Variants in PSMG3 observed in about 807,000 individuals in gnomAD.
The protein encoded by PSMG3 is PAC-3.
In PSMG3, 4 loss-of-function variants were observed where a neutral mutation model predicts 7.9. The ratio of observed to expected loss-of-function variants is 0.51; its 90% CI spans 0.25 to 1.16. PSMG3 has a LOEUF of 1.16. Ranked by LOEUF, PSMG3 falls within the 50% of genes most tolerant of loss-of-function variation. The probability of loss-of-function intolerance (pLI) is 0.15; values close to 1 mark genes in which losing one functional copy is unlikely to be tolerated. For synonymous variants in PSMG3, 81 were observed against 69.8 expected (o/e 1.16, Z -0.80); for missense variants, 151 against 157.4 (o/e 0.96, Z 0.22).
In PSMG3 at chr7:1,569,388, A is replaced by G. The variant is rs772495474; in HGVS notation, c.-49T>C. 2.8e-6 allele frequency: 4 copies of G among 1,417,786 alleles called. No individual in the cohort carries two copies. Among genetic ancestry groups the G allele is most frequent in the East Asian group, 2.5e-5 (1 of 40,294 alleles). The allele number at this position is 1,417,786 out of a possible 1,614,324, so 87.8% of individuals were successfully genotyped here. A position where few individuals can be genotyped will look rare whatever the true frequency, so the allele number is the denominator to read the frequency against. On this transcript the variant is annotated 5_prime_UTR_variant, in exon 1 of 2. Transcript: ENST00000288607. ...TTAATTTAGGTTAAAAAGAAAGGGG[A>G]AAAAAAGGAGTCAATCAAACAGTAC... is the stretch of plus-strand genomic sequence containing the variant.
At chr7:1,568,382 C>T (rs1054833744) in intron 1 of PSMG3, among the ~76,000 whole-genome samples, 1 of 152,050 alleles carries the variant, frequency 6.6e-6, no homozygotes, top group Non-Finnish European at 1.5e-5. Flanking sequence ...CCAGATGCCC[C>T]ATGTCCTTAC....
chr7:1,568,453 T>TTTATTA lies in PSMG3; in HGVS notation c.217-609_217-604dup, dbSNP rs56016686. ...TCCCTGGGGGTCCCTTCCTGACCAC[T>TTTATTA]TTATTATTATTATTATTATTATTAT... On this transcript the variant is annotated intron_variant, in intron 1 of 1. Coordinates refer to ENST00000288607, the MANE Select transcript of PSMG3 (RefSeq NM_032302.4). 4.6e-3 allele frequency among the ~76,000 whole-genome samples: 686 copies of TTTATTA among 147,958 alleles called. 3 individuals are homozygous for TTTATTA. Among genetic ancestry groups the TTTATTA allele is most frequent in the African/African-American group, 0.012 (491 of 39,496 alleles).
intron 1 of PSMG3, 84 bp downstream of exon 1, chr7:1,569,039 TG>T: frequency 8.4e-7 from 1 of 1,192,976 alleles, no homozygotes; most frequent in Non-Finnish European, 1.2e-6. Context: ...TTCAAACTCC[TG>T]GCCTCAAGCG....
At chr7:1,567,970 C>T in intron 1 of PSMG3, 120 bp from the exon 2 acceptor site, 1 of 868,824 alleles carries the variant, frequency 1.2e-6, no homozygotes, top group Non-Finnish European at 1.8e-6. Flanking sequence ...TTAACCGCCA[C>T]ATAAGTCCAT....
Position 1,569,433 on chromosome 7 carries a change from A to G in PSMG3, c.-94T>C. On this transcript the variant is annotated 5_prime_UTR_variant, in exon 1 of 2. Coordinates refer to ENST00000288607, the MANE Select transcript of PSMG3 (RefSeq NM_032302.4). The stretch of plus-strand genomic sequence containing the variant: ...CAGTACAGCCTTGGGGCTCCCAAAA[A>G]AGTAGCACGGGGCATTGAAACGGAA... The G allele has an allele frequency of 9.5e-7, 1 of 1,049,054 alleles. No individual in the cohort carries two copies. The highest frequency in any genetic ancestry group is 2.6e-5 in the East Asian group (1 of 37,896). 65.0% of individuals were successfully genotyped at this position (1,049,054 alleles called of 1,614,324 possible).
At position 1,569,623 on chromosome 7, in the gene PSMG3, A is replaced by AC. The variant is rs1304986489; in HGVS notation, c.-285_-284insG. 123 of 297,204 alleles carry AC rather than the reference A, an allele frequency of 4.1e-4. No homozygotes were observed. Among genetic ancestry groups the AC allele is most frequent in the African/African-American group, 2.7e-3 (118 of 44,450 alleles). The allele number at this position is 297,204 out of a possible 1,614,324, so 18.4% of individuals were successfully genotyped here. On this transcript the variant is annotated 5_prime_UTR_variant, in exon 1 of 2. The change creates a premature stop within an existing upstream ORF in the 5' untranslated region. Coordinates refer to ENST00000288607, the MANE Select transcript of PSMG3 (RefSeq NM_032302.4). ...TCTCTACCAAAAAAAAAAAAAAAAA[A>AC]AACCAGCAGGGCGCGCCTGTGGTCC... is the stretch of plus-strand genomic sequence containing the variant.
rs879689317 is a variant in PSMG3 at position 1,567,480 on chromosome 7, C to G, written c.*218G>C. On this transcript the variant is annotated 3_prime_UTR_variant, in exon 2 of 2. Coordinates refer to ENST00000288607, the MANE Select transcript of PSMG3 (RefSeq NM_032302.4). Reference sequence around the variant, plus strand: ...TTCAGGTCCTGGTGAGAACCATTCACGACTCCTCCGGGACCTGTTCCACCC... The same window carrying G: ...TTCAGGTCCTGGTGAGAACCATTCAGGACTCCTCCGGGACCTGTTCCACCC... The G allele has an allele frequency of 1.6e-4, 74 of 449,640 alleles. No individual in the cohort carries two copies. Among genetic ancestry groups the G allele is most frequent in the Non-Finnish European group, 5.1e-5 (13 of 256,670 alleles). The allele number at this position is 449,640 out of a possible 1,614,324, so 27.9% of individuals were successfully genotyped here.
chr7:1,568,862 G>C (rs1415978083), intron 1 of PSMG3, among the ~76,000 whole-genome samples: 1 of 152,022 alleles, frequency 6.6e-6, no homozygotes, highest in Non-Finnish European at 1.5e-5. Context: ...TGGCCAGGCT[G>C]GTCTGGAACT....
rs1374198386 is a variant in PSMG3, at chr7:1,567,414, C to T, written c.*284G>A. On this transcript the variant is annotated 3_prime_UTR_variant, in exon 2 of 2. Coordinates refer to ENST00000288607, the MANE Select transcript of PSMG3 (RefSeq NM_032302.4). ...GCACACGGGGGGGCCATGAGCCACG[C>T]CTGCTGACTCATTCCTCCAATTCTC... 2.9e-5 allele frequency: 10 copies of T among 341,676 alleles called. No individual in the cohort carries two copies. Among genetic ancestry groups the T allele is most frequent in the Non-Finnish European group, 5.3e-5 (10 of 189,784 alleles). 21.2% of individuals were successfully genotyped at this position (341,676 alleles called of 1,614,324 possible).
Position 1,569,441 on chromosome 7 carries a change from C to T in PSMG3, c.-102G>A. 12 of 985,492 alleles carry T rather than the reference C, an allele frequency of 1.2e-5. No individual in the cohort carries two copies. The South Asian group carries it at 1.7e-4, about 14-fold the overall frequency. The allele number at this position is 985,492 out of a possible 1,614,324, so 61.0% of individuals were successfully genotyped here. On this transcript the variant is annotated 5_prime_UTR_variant, in exon 1 of 2. The change creates a new upstream start codon in the 5' untranslated region. Coordinates refer to ENST00000288607, the MANE Select transcript of PSMG3 (RefSeq NM_032302.4). ...CCTTGGGGCTCCCAAAAAAGTAGCA[C>T]GGGGCATTGAAACGGAAACGCAAGG...
rs369114704 is a variant in PSMG3 at position 1,569,120 on chromosome 7, T to G, written c.216+4A>C. 1.3e-5 allele frequency: 21 copies of G among 1,612,752 alleles called. No homozygotes were observed. The African/African-American group carries it at 2.8e-4, about 22-fold the overall frequency. On this transcript the variant is annotated splice_donor_region_variant and intron_variant, in intron 1 of 1. Transcript: ENST00000288607. ...AGCCACAGTTCCCGGCCAATCCACT[T>G]TACCTCATCCTGCCCCAGAAGGACT...
chr7:1,569,955 C>G lies in PSMG3; in HGVS notation c.-616G>C, dbSNP rs895872619. ...CCACGACACGCGGTGCCGAGGCCGG[C>G]CGGGCTACTGGGGACGCAGCCGCCC... On this transcript the variant is annotated 5_prime_UTR_variant, in exon 1 of 2. Coordinates refer to ENST00000288607, the MANE Select transcript of PSMG3 (RefSeq NM_032302.4). The G allele has an allele frequency of 1.3e-5, 2 of 151,846 alleles. No homozygotes were observed. Among genetic ancestry groups the G allele is most frequent in the Non-Finnish European group, 2.9e-5 (2 of 67,930 alleles). The allele number at this position is 151,846 out of a possible 1,614,324, so 9.4% of individuals were successfully genotyped here. A position where few individuals can be genotyped will look rare whatever the true frequency, so the allele number is the denominator to read the frequency against.
Position 1,569,184 on chromosome 7 carries a change from G to A in PSMG3, c.156C>T (p.Ser52=), listed in dbSNP as rs777624626. 23 of 1,613,438 alleles carry A rather than the reference G, an allele frequency of 1.4e-5. No homozygotes were observed. The highest frequency in any genetic ancestry group is 1.6e-4 in the Middle Eastern group (1 of 6,084). ...MGTLVSLEPS[S]VASDVSKPVL... ...CAGGCTTGCTGACGTCACTGGCCAC[G>A]CTGCTGGGCTCCAGGGAGACCAGGG... The change falls in exon 1 of 2, where the codon AGC becomes AGT. Residue 52 remains serine (S), a synonymous_variant. Transcript: ENST00000288607.
rs1478890358 is a variant in PSMG3 at position 1,569,637 on chromosome 7, C to T, written c.-298G>A. ...AAAAAAAAAAAAAACCAGCAGGGCG[C>T]GCCTGTGGTCCCAGTTACTCAGGAG... On this transcript the variant is annotated 5_prime_UTR_variant, in exon 1 of 2. Transcript: ENST00000288607. 7.3e-6 allele frequency: 2 copies of T among 275,716 alleles called. No homozygotes were observed. Among genetic ancestry groups the T allele is most frequent in the South Asian group, 5.9e-5 (1 of 17,044 alleles). The allele number at this position is 275,716 out of a possible 1,614,324, so 17.1% of individuals were successfully genotyped here.
In PSMG3 at chr7:1,567,717, C is replaced by A; in HGVS notation, c.350G>T (p.Arg117Leu). The A allele has an allele frequency of 6.2e-7, 1 of 1,613,984 alleles. No homozygotes were observed. The highest frequency in any genetic ancestry group is 8.5e-7 in the Non-Finnish European group (1 of 1,179,952). Residue 117 changes from arginine to leucine, a missense_variant, in exon 2 of 2, where the codon CGG becomes CTG. By Grantham distance (102) the Arg-to-Leu change is moderately radical (BLOSUM62 -2). Coordinates refer to ENST00000288607, the MANE Select transcript of PSMG3 (RefSeq NM_032302.4). ...EGLKALREVI[R>L]VCQVW is the part of the protein sequence containing the mutation. ...TCCAGGTCACCACACCTGGCACACC[C>A]GGATCACCTCCCTCAGCGCCTTCAG...
intron 1 of PSMG3, among the ~76,000 whole-genome samples, chr7:1,568,508 C>T (rs1364380385): frequency 2.0e-5 from 3 of 151,910 alleles, no homozygotes; most frequent in East Asian, 1.9e-4. Flanking sequence ...CTCTCTCACC[C>T]AGGCTGGAGC....
At position 1,567,433 on chromosome 7, in the gene PSMG3, A is replaced by G; in HGVS notation, c.*265T>C. 2 of 362,836 alleles carry G rather than the reference A, an allele frequency of 5.5e-6. No individual in the cohort carries two copies. The highest frequency in any genetic ancestry group is 9.9e-6 in the Non-Finnish European group (2 of 203,000). 22.5% of individuals were successfully genotyped at this position (362,836 alleles called of 1,614,324 possible). A position where few individuals can be genotyped will look rare whatever the true frequency, so the allele number is the denominator to read the frequency against. On this transcript the variant is annotated 3_prime_UTR_variant, in exon 2 of 2. Coordinates refer to ENST00000288607, the MANE Select transcript of PSMG3 (RefSeq NM_032302.4). ...GCCACGCCTGCTGACTCATTCCTCCAATTCTCAAACACAAGCAACGATTCA... is the reference window on the plus strand; with the variant it reads ...GCCACGCCTGCTGACTCATTCCTCCGATTCTCAAACACAAGCAACGATTCA...
At chr7:1,569,025 TG>T in intron 1 of PSMG3, 98 bp downstream of exon 1, 1 of 927,612 alleles carries the variant, frequency 1.1e-6, no homozygotes, top group Non-Finnish European at 1.7e-6. Flanking sequence ...TTGCCCAGGC[TG>T]GTTTCAAACT....
At position 1,569,485 on chromosome 7, in the gene PSMG3, G is replaced by T. The variant is rs1778839076; in HGVS notation, c.-146C>A. 4 of 679,872 alleles carry T rather than the reference G, an allele frequency of 5.9e-6. No homozygotes were observed. In the East Asian group the frequency reaches 1.1e-4, roughly 19 times the overall value. The allele number at this position is 679,872 out of a possible 1,614,324, so 42.1% of individuals were successfully genotyped here. ...CGCAAGGAGGCCCATTCAAAAGAAG[G>T]GGCCAGGCGCGGTGGCTCATGCCTG... On this transcript the variant is annotated 5_prime_UTR_variant, in exon 1 of 2. Coordinates refer to ENST00000288607, the MANE Select transcript of PSMG3 (RefSeq NM_032302.4).
Sources: allele counts gnomAD v4.1 joint callset (sites outside exome capture counted in the v4.1 genomes callset), GRCh38; gene constraint gnomAD v4.1.1; transcripts MANE v1.5; gene names NCBI Gene and HGNC (gene_info 2026-07-23, HGNC 2026-07-21).